Variants in THSD4 observed in about 807,000 individuals in gnomAD.
The protein encoded by THSD4 is thrombospondin type 1 domain containing 4, also known as thrombospondin type-1 domain-containing protein 4.
A neutral mutation model predicts 119.0 loss-of-function variants in THSD4; 69 were observed. The observed-to-expected ratio is 0.58, with a 90% CI of 0.48 to 0.71. The LOEUF (loss-of-function observed/expected upper bound fraction) is 0.71. Among genes scored for constraint, THSD4 ranks in the 30% least tolerant of loss-of-function variants. THSD4 has a pLI of 0.00. For synonymous variants in THSD4, 524 were observed against 540.4 expected (o/e 0.97, Z 0.42); for missense variants, 1,393 against 1,391.1 (o/e 1.00, Z -0.02).
At chr15:71,202,522 G>A (rs2043812288) in intron 3 of THSD4, among the ~76,000 whole-genome samples, 1 of 152,154 alleles carries the variant, frequency 6.6e-6, no homozygotes, top group African/African-American at 2.4e-5. Context: ...TGAATGCTGG[G>A]AATTTTCTTG....
chr15:71,678,256 G>T (rs1407095914), intron 8 of THSD4, among the ~76,000 whole-genome samples: 1 of 152,196 alleles, frequency 6.6e-6, no homozygotes, highest in Non-Finnish European at 1.5e-5. Context: ...CCCAAGAAGA[G>T]ATATCTAAGG....
chr15:71,562,624 G>A (rs773576399), intron 7 of THSD4, among the ~76,000 whole-genome samples: 17 of 151,114 alleles, frequency 1.1e-4, no homozygotes, highest in African/African-American at 3.4e-4. Context: ...TGTTATATCC[G>A]TTTCACAGTT....
rs191435400 is a variant in THSD4, at chr15:71,372,161, A to T, written c.1016-39526A>T. 2.4e-3 allele frequency among the ~76,000 whole-genome samples: 360 copies of T among 152,242 alleles called. 3 individuals carry two copies. The highest frequency in any genetic ancestry group is 0.014 in the Middle Eastern group (4 of 294). ...ATTTAAGGACTTCTCTGCACTGGTT[A>T]TTCTAGTTAGCCATTTGTCTAATCT... On this transcript the variant is annotated intron_variant, in intron 6 of 17. Transcript: ENST00000261862.
At chr15:71,594,045 G>T (rs1042722860) in intron 7 of THSD4, among the ~76,000 whole-genome samples, 6 of 152,100 alleles carry the variant, frequency 3.9e-5, no homozygotes, top group Non-Finnish European at 7.4e-5. Flanking sequence ...GGGTGGTGAG[G>T]TGGGGCAGCT....
intron 6 of THSD4, among the ~76,000 whole-genome samples, chr15:71,313,097 A>G (rs1323995529): frequency 3.9e-5 from 6 of 152,138 alleles, no homozygotes; most frequent in African/African-American, 1.2e-4. Flanking sequence ...TTTTTTTCCT[A>G]TGTGTTTATT....
intron 7 of THSD4, among the ~76,000 whole-genome samples, chr15:71,559,892 A>G (rs2049086015): frequency 6.6e-6 from 1 of 152,146 alleles, no homozygotes; most frequent in South Asian, 2.1e-4. Flanking sequence ...ACTTCTTGAG[A>G]AAATTTATTG....
chr15:71,553,274 A>G (rs1188640504), intron 7 of THSD4, among the ~76,000 whole-genome samples: 1 of 151,192 alleles, frequency 6.6e-6, no homozygotes, highest in Non-Finnish European at 1.5e-5. Context: ...AACTTCCAGA[A>G]TACAGTACTG....
chr15:71,428,976 T>C (rs6494927), intron 7 of THSD4, among the ~76,000 whole-genome samples: 97,037 of 152,052 alleles, frequency 0.64, 31,339 homozygotes, highest in Middle Eastern at 0.77. Flanking sequence ...TTTACATTTG[T>C]ATGGTATCGC....
rs547868423 is a variant in THSD4, at chr15:71,763,466, G to T, written c.2590-1554G>T. Among the ~76,000 whole-genome samples the T allele has an allele frequency of 1.6e-4, 25 of 152,150 alleles. No individual in the cohort carries two copies. In the East Asian group the frequency reaches 4.9e-3, roughly 30 times the overall value. On this transcript the variant is annotated intron_variant, in intron 15 of 17. Transcript: ENST00000261862. The stretch of plus-strand genomic sequence containing the variant: ...TGGCTCACGCCTGTAATCCCAGAAC[G>T]ATGGGAGGCCGAGGCAGGAGGATTG...
intron 7 of THSD4, among the ~76,000 whole-genome samples, chr15:71,495,305 G>A (rs1349588307): frequency 6.6e-6 from 1 of 152,060 alleles, no homozygotes; most frequent in Non-Finnish European, 1.5e-5. Flanking sequence ...AAAGACCCAG[G>A]CACCAAAGTC....
At chr15:71,643,919 A>G (rs1282649033) in intron 7 of THSD4, among the ~76,000 whole-genome samples, 1 of 152,256 alleles carries the variant, frequency 6.6e-6, no homozygotes, top group Admixed American at 6.5e-5. Context: ...AAAATGAGTT[A>G]ATGCAGAGAT....
At position 71,300,183 on chromosome 15, in the gene THSD4, GT is replaced by G. The variant is rs1219889951; in HGVS notation, c.1015+43474del. Reference sequence around the variant, plus strand: ...TAAAATAAATTTAAATATAAAATTAGTTTTTTAAAAAAGAACAGTTTAGCAA... The same window carrying G: ...TAAAATAAATTTAAATATAAAATTAGTTTTTAAAAAAGAACAGTTTAGCAA... On this transcript the variant is annotated intron_variant, in intron 6 of 17. Coordinates refer to ENST00000261862, the MANE Select transcript of THSD4 (RefSeq NM_024817.3). Among the ~76,000 whole-genome samples the G allele has an allele frequency of 4.0e-5, 6 of 151,568 alleles. No homozygotes were observed. The South Asian group carries it at 1.0e-3, about 26-fold the overall frequency.
At chr15:71,488,958 C>G (rs898737789) in intron 7 of THSD4, among the ~76,000 whole-genome samples, 1 of 151,900 alleles carries the variant, frequency 6.6e-6, no homozygotes, top group Non-Finnish European at 1.5e-5. Context: ...TCTTTTCTAC[C>G]TTCAAATACC....
At chr15:71,243,267 T>G (rs1333625208) in intron 5 of THSD4, among the ~76,000 whole-genome samples, 171 bp downstream of exon 5, 2 of 151,784 alleles carry the variant, frequency 1.3e-5, no homozygotes, top group Non-Finnish European at 2.9e-5. Flanking sequence ...TACATAGTTT[T>G]CTTTTTTTTT....
intron 6 of THSD4, among the ~76,000 whole-genome samples, chr15:71,311,164 C>T (rs1352839348): frequency 6.6e-6 from 1 of 152,082 alleles, no homozygotes; most frequent in East Asian, 1.9e-4. Flanking sequence ...TTCTAACCAT[C>T]GTATTTCAAT....
At chr15:71,438,183 C>A (rs149704475) in intron 7 of THSD4, among the ~76,000 whole-genome samples, 4 of 152,180 alleles carry the variant, frequency 2.6e-5, no homozygotes, top group African/African-American at 7.2e-5. Flanking sequence ...TTTGTGTGAT[C>A]TGTCTTTTAA....
At chr15:71,610,917 C>T (rs191387927) in intron 7 of THSD4, among the ~76,000 whole-genome samples, 2 of 152,044 alleles carry the variant, frequency 1.3e-5, no homozygotes, top group African/African-American at 4.8e-5. Flanking sequence ...ACATGTATGC[C>T]TACATGCATA....
chr15:71,527,267 T>C (rs1275274893), intron 7 of THSD4, among the ~76,000 whole-genome samples: 3 of 152,110 alleles, frequency 2.0e-5, no homozygotes, highest in Non-Finnish European at 4.4e-5. Flanking sequence ...TTTCTATTAT[T>C]TATAGATTAC....
intron 7 of THSD4, among the ~76,000 whole-genome samples, chr15:71,441,397 A>ATTTTTTT (rs1215547880): frequency 0.07 from 5,144 of 72,996 alleles, 685 homozygotes; most frequent in Admixed American, 0.099. Flanking sequence ...CACCTGTAGA[A>ATTTTTTT]TTTTTTTTTT....
Sources: allele counts gnomAD v4.1 joint callset (sites outside exome capture counted in the v4.1 genomes callset), GRCh38; gene constraint gnomAD v4.1.1; transcripts MANE v1.5; gene names NCBI Gene and HGNC (gene_info 2026-07-23, HGNC 2026-07-21).